Variants in MCTP1 observed in about 807,000 individuals in gnomAD.
The protein encoded by MCTP1 is multiple C2 and transmembrane domain containing 1.
MCTP1 carries 69 observed loss-of-function variants against 120.6 expected under a neutral mutation model. The observed-to-expected ratio is 0.57, with a 90% CI of 0.47 to 0.70. The LOEUF (loss-of-function observed/expected upper bound fraction) is 0.70, where lower values mean the gene tolerates loss of function less well. Among genes scored for constraint, MCTP1 ranks in the 30% least tolerant of loss-of-function variants. The pLI, the probability that MCTP1 is intolerant of heterozygous loss-of-function variation, is 0.00. For missense variants in MCTP1, 1,203 were observed against 1,248.8 expected, an observed-to-expected ratio of 0.96 and a Z score of 0.55; for synonymous variants, 529 against 493.1, an observed-to-expected ratio of 1.07 and a Z score of -0.96.
chr5:95,225,004 G>A (rs1364587855), intron 1 of MCTP1, among the ~76,000 whole-genome samples: 1 of 152,128 alleles, frequency 6.6e-6, no homozygotes, highest in African/African-American at 2.4e-5. Context: ...ATATTAAGAG[G>A]CTTTTGCTGG....
chr5:95,283,879 C>T lies in MCTP1; in HGVS notation c.697G>A (p.Gly233Ser), dbSNP rs776172624. The T allele has an allele frequency of 2.9e-6, 4 of 1,379,586 alleles. No individual in the cohort carries two copies. Among genetic ancestry groups the T allele is most frequent in the Non-Finnish European group, 3.7e-6 (4 of 1,076,056 alleles). 85.5% of individuals were successfully genotyped at this position (1,379,586 alleles called of 1,614,324 possible). ...SPAESRAPETGEEHGSSQKII... is the reference protein window; with the variant it reads ...SPAESRAPETSEEHGSSQKII... ...ACCTGGCTGCTGCCGTGCTCCTCGC[C>T]CGTCTCCGGGGCCCGAGACTCCGCG... Residue 233 changes from glycine (G) to serine (S), a missense_variant, in exon 1 of 23, where the codon GGC (glycine) becomes AGC (serine). Around this residue, in one of 2 missense-constraint regions of MCTP1, gnomAD observed 463 missense variants for 377.8 expected, o/e 1.23. Transcript: ENST00000515393.
At chr5:95,076,205 T>C (rs1438449659) in intron 1 of MCTP1, among the ~76,000 whole-genome samples, 3 of 131,768 alleles carry the variant, frequency 2.3e-5, no homozygotes, top group Non-Finnish European at 4.4e-5. Context: ...GAATGTGGCC[T>C]CTCTCTCTGT....
chr5:94,966,766 G>C (rs1448725460), intron 2 of MCTP1, among the ~76,000 whole-genome samples: 1 of 151,462 alleles, frequency 6.6e-6, no homozygotes, highest in East Asian at 1.9e-4. Context: ...CTGCGCTCCA[G>C]CCTGGGCGAC....
At chr5:95,125,775 TCATATA>T (rs1268829031) in intron 1 of MCTP1, among the ~76,000 whole-genome samples, 1 of 152,200 alleles carries the variant, frequency 6.6e-6, no homozygotes, top group South Asian at 2.1e-4. Flanking sequence ...ATGAATGAAA[TCATATA>T]CATAAACTAT....
chr5:94,897,204 G>A (rs1381232562), intron 10 of MCTP1, among the ~76,000 whole-genome samples: 3 of 151,244 alleles, frequency 2.0e-5, no homozygotes, highest in Non-Finnish European at 4.4e-5. Flanking sequence ...CTGGGACTAC[G>A]GGTGCGTGCC....
At chr5:95,055,013 T>C (rs989497835) in intron 1 of MCTP1, among the ~76,000 whole-genome samples, 12 of 152,162 alleles carry the variant, frequency 7.9e-5, no homozygotes, top group African/African-American at 2.9e-4. Flanking sequence ...GGTTTCGCTA[T>C]GTTGGCCACG....
intron 19 of MCTP1, among the ~76,000 whole-genome samples, chr5:94,722,100 A>C (rs1480259898): frequency 6.6e-6 from 1 of 152,224 alleles, no homozygotes; most frequent in African/African-American, 2.4e-5. Context: ...ATTGCAACAG[A>C]AAGTTAACTA....
chr5:95,041,957 T>C (rs1244235160), intron 1 of MCTP1, among the ~76,000 whole-genome samples: 3 of 152,192 alleles, frequency 2.0e-5, no homozygotes, highest in Admixed American at 6.5e-5. Context: ...TCAGTGTGAG[T>C]TGAAAAGACA....
intron 17 of MCTP1, among the ~76,000 whole-genome samples, chr5:94,821,152 C>T (rs1023717048): frequency 1.3e-5 from 2 of 152,176 alleles, no homozygotes; most frequent in Non-Finnish European, 2.9e-5. Flanking sequence ...GTTGCAGCAG[C>T]AGCCTCTACT....
intron 17 of MCTP1, among the ~76,000 whole-genome samples, chr5:94,864,714 T>A (rs1396527444): frequency 6.6e-6 from 1 of 151,930 alleles, no homozygotes; most frequent in African/African-American, 2.4e-5. Context: ...TTATCTACAA[T>A]CACATTTAAA....
chr5:94,862,206 C>T (rs961335590), intron 17 of MCTP1, among the ~76,000 whole-genome samples: 1 of 151,568 alleles, frequency 6.6e-6, no homozygotes, highest in Non-Finnish European at 1.5e-5. Flanking sequence ...GGAAGAGCAG[C>T]GATCATAGGA....
chr5:95,144,074 T>A lies in MCTP1; in HGVS notation c.721-126590A>T, dbSNP rs542471628. 9.9e-5 allele frequency among the ~76,000 whole-genome samples: 15 copies of A among 152,282 alleles called. No homozygotes were observed. The South Asian group carries it at 2.9e-3, about 29-fold the overall frequency. On this transcript the variant is annotated intron_variant, in intron 1 of 22. Transcript: ENST00000515393. ...TCTGCAGCCTAACCAGCATCTACTA[T>A]CTTTTGACTTTTTAATAAGTGTTAT...
chr5:94,875,720 A>G (rs563301457), intron 12 of MCTP1, among the ~76,000 whole-genome samples: 1 of 151,902 alleles, frequency 6.6e-6, no homozygotes, highest in African/African-American at 2.4e-5. Flanking sequence ...ACGCTGAAAA[A>G]CAATTCACTG....
intron 1 of MCTP1, among the ~76,000 whole-genome samples, chr5:95,089,215 C>T (rs1298073673): frequency 1.3e-5 from 2 of 152,100 alleles, no homozygotes; most frequent in Non-Finnish European, 2.9e-5. Context: ...TTTTTTTCCC[C>T]TCACTGTTGC....
At chr5:95,078,187 C>T (rs765435282) in intron 1 of MCTP1, among the ~76,000 whole-genome samples, 9 of 152,216 alleles carry the variant, frequency 5.9e-5, no homozygotes, top group Admixed American at 1.3e-4. Flanking sequence ...CAGACCTAAA[C>T]TTCTCCATTC....
intron 19 of MCTP1, among the ~76,000 whole-genome samples, chr5:94,763,628 A>C (rs756996046): frequency 4.6e-5 from 7 of 152,146 alleles, no homozygotes; most frequent in Non-Finnish European, 7.4e-5. Context: ...CCATCACACA[A>C]TGACTCCTGG....
rs576973522 is a variant in MCTP1 at position 94,993,606 on chromosome 5, A to G, written c.838+23761T>C. 2.6e-4 allele frequency among the ~76,000 whole-genome samples: 39 copies of G among 152,298 alleles called. 1 individual carries two copies. The highest frequency in any genetic ancestry group is 9.1e-4 in the African/African-American group (38 of 41,558). ...GGGGCTGCTGTGCAACAGCTTTTAC[A>G]GAAACTCTAAATGGCATAGTTTTGG... On this transcript the variant is annotated intron_variant, in intron 2 of 22. Transcript: ENST00000515393.
At chr5:95,054,322 G>C (rs1416842213) in intron 1 of MCTP1, among the ~76,000 whole-genome samples, 3 of 152,144 alleles carry the variant, frequency 2.0e-5, no homozygotes, top group African/African-American at 7.2e-5. Flanking sequence ...TTTTGAAGCA[G>C]AGAACAGGAA....
rs183447818 is a variant in MCTP1, at chr5:94,902,932, T to A, written c.1652+6319A>T. Among the ~76,000 whole-genome samples the A allele has an allele frequency of 4.6e-5, 7 of 152,332 alleles. No individual in the cohort carries two copies. In the East Asian group the frequency reaches 7.7e-4, roughly 17 times the overall value. ...GTGTATGGTAACTGTCTTTGAGAACTTTGCCAATTATTTTTAAAATATTAC... is the reference window on the plus strand; with the variant it reads ...GTGTATGGTAACTGTCTTTGAGAACATTGCCAATTATTTTTAAAATATTAC... On this transcript the variant is annotated intron_variant, in intron 10 of 22. Coordinates refer to ENST00000515393, the MANE Select transcript of MCTP1 (RefSeq NM_024717.7).
Sources: gnomAD v4.1 joint callset for allele counts (sites outside exome capture counted in the v4.1 genomes callset) on GRCh38, gnomAD v4.1.1 for gene constraint, gnomAD v4.1.1 regional missense constraint, MANE v1.5 for transcripts, NCBI Gene and HGNC (gene_info 2026-07-23, HGNC 2026-07-21) for gene names.